Variants in PTPRO observed in about 807,000 individuals in gnomAD.
PTPRO encodes the protein protein tyrosine phosphatase receptor type O.
Under a neutral mutation model 145.2 loss-of-function variants are expected in PTPRO, and 62 were observed. That is an observed-to-expected ratio of 0.43 (90% CI 0.35 to 0.53). The LOEUF (loss-of-function observed/expected upper bound fraction) is 0.53. Among genes scored for constraint, PTPRO ranks in the 20% least tolerant of loss-of-function variants. The probability of loss-of-function intolerance (pLI) is 0.01; values close to 1 mark genes in which losing one functional copy is unlikely to be tolerated. For synonymous variants in PTPRO, 565 were observed against 514.7 expected (o/e 1.10, Z -1.32); for missense variants, 1,345 against 1,482.7 (o/e 0.91, Z 1.53).
intron 1 of PTPRO, among the ~76,000 whole-genome samples, chr12:15,339,307 G>A (rs1866887992): frequency 6.6e-6 from 1 of 152,110 alleles, no homozygotes; most frequent in Non-Finnish European, 1.5e-5. Flanking sequence ...AAACAGTGGG[G>A]ACAGATTCAG....
At chr12:15,450,520 T>A (rs978285426) in intron 1 of PTPRO, among the ~76,000 whole-genome samples, 3 of 152,198 alleles carry the variant, frequency 2.0e-5, no homozygotes, top group East Asian at 1.9e-4. Flanking sequence ...ATGCCTGTAA[T>A]CCCAGCACGT....
In PTPRO at chr12:15,442,194, A is replaced by G. The variant is rs185398981; in HGVS notation, c.76-41780A>G. On this transcript the variant is annotated intron_variant, in intron 1 of 26. Coordinates refer to ENST00000281171, the MANE Select transcript of PTPRO (RefSeq NM_030667.3). ...ATTCCTGGAATGCAAGGCTGATTCAATGTACACAAATCAATAAATGTGACT... is the reference window on the plus strand; with the variant it reads ...ATTCCTGGAATGCAAGGCTGATTCAGTGTACACAAATCAATAAATGTGACT... Among the ~76,000 whole-genome samples, 321 of 152,338 alleles carry G rather than the reference A, an allele frequency of 2.1e-3. 1 individual carries two copies. The highest frequency in any genetic ancestry group is 2.4e-3 in the Non-Finnish European group (165 of 68,028).
intron 1 of PTPRO, among the ~76,000 whole-genome samples, chr12:15,443,331 T>A (rs1174524588): frequency 6.6e-6 from 1 of 151,974 alleles, no homozygotes; most frequent in Non-Finnish European, 1.5e-5. Flanking sequence ...TACAATTAAC[T>A]GTATACAAAA....
intron 1 of PTPRO, among the ~76,000 whole-genome samples, chr12:15,416,657 T>C (rs1051645047): frequency 2.6e-5 from 4 of 151,182 alleles, no homozygotes; most frequent in Non-Finnish European, 4.4e-5. Flanking sequence ...GGGTCTTTAC[T>C]GACAGCCCTC....
intron 1 of PTPRO, among the ~76,000 whole-genome samples, chr12:15,430,548 T>A (rs1940407175): frequency 6.6e-6 from 1 of 152,154 alleles, no homozygotes; most frequent in Non-Finnish European, 1.5e-5. Context: ...GTGGTGGCTG[T>A]GTCTGTGTAT....
rs759862965 is a variant in PTPRO at position 15,597,851 on chromosome 12, A to G, written c.*1778A>G. 3.3e-5 allele frequency among the ~76,000 whole-genome samples: 5 copies of G among 152,208 alleles called. No individual in the cohort carries two copies. Among genetic ancestry groups the G allele is most frequent in the Non-Finnish European group, 7.3e-5 (5 of 68,042 alleles). On this transcript the variant is annotated 3_prime_UTR_variant, in exon 27 of 27. Coordinates refer to ENST00000281171, the MANE Select transcript of PTPRO (RefSeq NM_030667.3). ...AATGTGTCGCACCATTCTCAGGAACAAACATGGTTAATGAAAGGTGGCAAA... is the reference window on the plus strand; with the variant it reads ...AATGTGTCGCACCATTCTCAGGAACGAACATGGTTAATGAAAGGTGGCAAA...
rs748045716 is a variant in PTPRO at position 15,578,851 on chromosome 12, A to G, written c.2830-2A>G. ...CTCAAATCCATTCTCTGTCCTTTACAGGAGTTGAAATTGATTGGACTGGAT... is the reference window on the plus strand; with the variant it reads ...CTCAAATCCATTCTCTGTCCTTTACGGGAGTTGAAATTGATTGGACTGGAT... On this transcript the variant is annotated splice_acceptor_variant, in intron 19 of 26. Coordinates refer to ENST00000281171, the MANE Select transcript of PTPRO (RefSeq NM_030667.3). LOFTEE classifies it high-confidence loss of function. The G allele has an allele frequency of 6.3e-7, 1 of 1,575,122 alleles. No homozygotes were observed. The highest frequency in any genetic ancestry group is 1.3e-5 in the African/African-American group (1 of 74,140).
intron 6 of PTPRO, among the ~76,000 whole-genome samples, chr12:15,506,592 G>A (rs749500356): frequency 2.0e-5 from 3 of 152,192 alleles, no homozygotes; most frequent in Non-Finnish European, 4.4e-5. Flanking sequence ...GCAGGACAGA[G>A]AGAGAGAGCA....
chr12:15,362,494 T>G (rs561260033), intron 1 of PTPRO, among the ~76,000 whole-genome samples: 3 of 152,364 alleles, frequency 2.0e-5, no homozygotes, highest in South Asian at 4.1e-4. Flanking sequence ...TGTTTTGTAT[T>G]GGATTTACTC....
intron 10 of PTPRO, among the ~76,000 whole-genome samples, chr12:15,522,159 T>C (rs1942735092): frequency 2.0e-5 from 3 of 152,130 alleles, no homozygotes; most frequent in Admixed American, 2.0e-4. Flanking sequence ...AATCATGTAA[T>C]GTAAGTCACT....
intron 1 of PTPRO, among the ~76,000 whole-genome samples, chr12:15,335,281 A>G (rs1334591841): frequency 1.3e-5 from 2 of 152,088 alleles, no homozygotes; most frequent in African/African-American, 2.4e-5. Flanking sequence ...GTGAATGTTA[A>G]GTTGATTAAT....
rs750053683 is a variant in PTPRO at position 15,526,125 on chromosome 12, T to C, written c.2044-17T>C. The C allele has an allele frequency of 6.2e-7, 1 of 1,613,890 alleles. No homozygotes were observed. Among genetic ancestry groups the C allele is most frequent in the Non-Finnish European group, 8.5e-7 (1 of 1,179,848 alleles). ...ATTCACTAAAAGTTTAAACCCTTGA[T>C]TTTGATGATCTTGCAGGTAACACGC... On this transcript the variant is annotated splice_polypyrimidine_tract_variant and intron_variant, in intron 11 of 26. Coordinates refer to ENST00000281171, the MANE Select transcript of PTPRO (RefSeq NM_030667.3).
chr12:15,486,040 A>G (rs980094721), intron 2 of PTPRO, among the ~76,000 whole-genome samples: 3 of 152,152 alleles, frequency 2.0e-5, no homozygotes, highest in African/African-American at 7.2e-5. Context: ...TGAAGTTTCA[A>G]TAAGTACCGA....
chr12:15,366,225 T>G (rs1476294906), intron 1 of PTPRO, among the ~76,000 whole-genome samples: 1 of 152,176 alleles, frequency 6.6e-6, no homozygotes, highest in African/African-American at 2.4e-5. Context: ...CTAATTAGAG[T>G]GTAGAAATAC....
chr12:15,443,746 C>A (rs1319459511), intron 1 of PTPRO, among the ~76,000 whole-genome samples: 1 of 152,078 alleles, frequency 6.6e-6, no homozygotes. Flanking sequence ...TGCTCATCAT[C>A]ACTAATCATC....
At chr12:15,356,803 T>C (rs532482286) in intron 1 of PTPRO, among the ~76,000 whole-genome samples, 1 of 151,114 alleles carries the variant, frequency 6.6e-6, no homozygotes, top group South Asian at 2.1e-4. Context: ...ATTCCTTTTC[T>C]TTTTATTTTT....
intron 1 of PTPRO, among the ~76,000 whole-genome samples, chr12:15,444,683 A>G (rs757776889): frequency 4.6e-5 from 7 of 151,894 alleles, no homozygotes; most frequent in Non-Finnish European, 1.0e-4. Flanking sequence ...GAGGCCCCAG[A>G]GAGATCCTCC....
intron 1 of PTPRO, among the ~76,000 whole-genome samples, chr12:15,335,896 G>A (rs1412661144): frequency 1.3e-5 from 2 of 152,116 alleles, no homozygotes; most frequent in African/African-American, 2.4e-5. Flanking sequence ...GGATAGTTGA[G>A]AAACTAATGA....
intron 13 of PTPRO, among the ~76,000 whole-genome samples, chr12:15,547,704 A>G (rs1053803614): frequency 2.0e-5 from 3 of 152,198 alleles, no homozygotes; most frequent in Non-Finnish European, 2.9e-5. Context: ...TTTCTTCTCT[A>G]TAACTACAGT....
Sources: allele counts gnomAD v4.1 joint callset (sites outside exome capture counted in the v4.1 genomes callset), GRCh38; gene constraint gnomAD v4.1.1; transcripts MANE v1.5; gene names NCBI Gene and HGNC (gene_info 2026-07-23, HGNC 2026-07-21).